The following SNW1 variants were observed in gnomAD, a reference collection of about 807,000 sequenced individuals.
SNW1 encodes the protein SNW domain containing 1.
Under a neutral mutation model 75.6 loss-of-function variants are expected in SNW1, and 9 were observed. The observed-to-expected ratio is 0.12, with a 90% CI of 0.07 to 0.21. The LOEUF (loss-of-function observed/expected upper bound fraction) is 0.21, where lower values mean the gene tolerates loss of function less well. SNW1 is among the 10% of genes least tolerant of loss of function. The pLI is 1.00. For missense variants in SNW1, 409 were observed against 670.9 expected (o/e 0.61, Z 4.31); for synonymous variants, 200 against 219.1 (o/e 0.91, Z 0.77).
chr14:77,730,570 C>A (rs2080620212), intron 10 of SNW1, among the ~76,000 whole-genome samples: 1 of 152,078 alleles, frequency 6.6e-6, no homozygotes, highest in African/African-American at 2.4e-5. Context: ...AGAGAAAATA[C>A]TGGCAGATTT....
intron 3 of SNW1, among the ~76,000 whole-genome samples, chr14:77,742,473 A>G (rs951779677): frequency 1.2e-4 from 18 of 152,196 alleles, no homozygotes. Flanking sequence ...AGCTTTGTCA[A>G]CAAGATAAAG....
chr14:77,756,718 TACTAA>T (rs759318503), intron 1 of SNW1, among the ~76,000 whole-genome samples: 1 of 152,150 alleles, frequency 6.6e-6, no homozygotes, highest in Non-Finnish European at 1.5e-5. Flanking sequence ...ACCCTGTCTC[TACTAA>T]AAATACAAAA....
At chr14:77,741,115 A>G (rs1377955329) in intron 3 of SNW1, among the ~76,000 whole-genome samples, 1 of 151,734 alleles carries the variant, frequency 6.6e-6, no homozygotes, top group Non-Finnish European at 1.5e-5. Context: ...AAAAAAAAAA[A>G]AAAGTGTCTC....
intron 2 of SNW1, 93 bp downstream of exon 2, chr14:77,754,874 A>AG (rs1393107056): frequency 1.8e-6 from 2 of 1,123,386 alleles, no homozygotes; most frequent in Non-Finnish European, 2.5e-6. Flanking sequence ...TGACATTCAT[A>AG]ATCAGAGGTT....
At chr14:77,759,213 T>C (rs2080866180) in intron 1 of SNW1, among the ~76,000 whole-genome samples, 1 of 152,208 alleles carries the variant, frequency 6.6e-6, no homozygotes, top group Non-Finnish European at 1.5e-5. Context: ...AAGCACGCAA[T>C]ACCCATGACA....
rs764123704 is a variant in SNW1, at chr14:77,751,465, C to T, written c.184G>A (p.Gly62Ser). Residue 62 changes from glycine to serine, a missense_variant, in exon 3 of 14, where the codon GGT becomes AGT. By Grantham distance (56) the Gly-to-Ser change is moderately conservative. Transcript: ENST00000261531. ...GCCACATGGATCTCTGGAAAAGCAC[C>T]TCCATCTCCAAAATCCTACACATTA... is the stretch of plus-strand genomic sequence containing the variant. The part of the protein sequence containing the change: ...PRLLEDFGDG[G>S]AFPEIHVAQY... The T allele has an allele frequency of 6.2e-7, 1 of 1,606,922 alleles. No individual in the cohort carries two copies.
At chr14:77,744,626 T>G (rs2080746584) in intron 3 of SNW1, among the ~76,000 whole-genome samples, 1 of 152,068 alleles carries the variant, frequency 6.6e-6, no homozygotes, top group Non-Finnish European at 1.5e-5. Flanking sequence ...AGACAGTGAT[T>G]TAAACATCAT....
At chr14:77,756,291 G>A (rs1395417578) in intron 1 of SNW1, among the ~76,000 whole-genome samples, 1 of 151,462 alleles carries the variant, frequency 6.6e-6, no homozygotes, top group African/African-American at 2.4e-5. Context: ...CCTATTTTTT[G>A]TATTTTTAGT....
chr14:77,738,955 T>G lies in SNW1; in HGVS notation c.426+11A>C. The G allele has an allele frequency of 6.2e-7, 1 of 1,612,658 alleles. No individual in the cohort carries two copies. The highest frequency in any genetic ancestry group is 8.5e-7 in the Non-Finnish European group (1 of 1,178,630). On this transcript the variant is annotated intron_variant, in intron 4 of 13. Transcript: ENST00000261531. ...TGTAAATAGTCATCGAATATATCAA[T>G]TCCCAGTTACCTCTTTAATAGCTTC...
At chr14:77,730,430 T>C (rs74391064) in intron 10 of SNW1, among the ~76,000 whole-genome samples, 6,946 of 152,116 alleles carry the variant, frequency 0.046, 278 homozygotes, top group Admixed American at 0.14. Flanking sequence ...AATGAATAAA[T>C]GTACCAGGTA....
intron 1 of SNW1, chr14:77,760,820 C>T (rs1424654709): frequency 1.4e-6 from 1 of 719,818 alleles, no homozygotes; most frequent in Non-Finnish European, 2.5e-6. Flanking sequence ...TGAGGGAGCG[C>T]TGTCCGCTCC....
intron 3 of SNW1, among the ~76,000 whole-genome samples, chr14:77,749,707 C>T (rs1221114906): frequency 1.3e-5 from 2 of 152,148 alleles, no homozygotes; most frequent in Non-Finnish European, 2.9e-5. Context: ...TTCAAGGTTG[C>T]AATGAATTAT....
intron 2 of SNW1, 135 bp from the exon 3 acceptor site, chr14:77,751,615 G>C (rs1024086668): frequency 1.7e-6 from 1 of 588,764 alleles, no homozygotes; most frequent in African/African-American, 1.9e-5. Context: ...CCTGCCTCTT[G>C]TGGAGTTTAC....
intron 10 of SNW1, among the ~76,000 whole-genome samples, chr14:77,727,580 A>G (rs2080595533): frequency 6.6e-6 from 1 of 152,098 alleles, no homozygotes; most frequent in Non-Finnish European, 1.5e-5. Flanking sequence ...CACTTTGTTG[A>G]GAGTTTTTAT....
intron 12 of SNW1, among the ~76,000 whole-genome samples, chr14:77,719,991 A>G (rs2080525922): frequency 6.6e-6 from 1 of 152,228 alleles, no homozygotes; most frequent in Admixed American, 6.5e-5. Context: ...CTAGTTAGCT[A>G]ATGGCAATTG....
At chr14:77,721,920 G>A (rs1225949159) in intron 11 of SNW1, among the ~76,000 whole-genome samples, 1 of 151,904 alleles carries the variant, frequency 6.6e-6, no homozygotes, top group Non-Finnish European at 1.5e-5. Flanking sequence ...GCTAATTTTT[G>A]CATTTTTAGT....
At chr14:77,725,150 G>C (rs1002000704) in intron 10 of SNW1, among the ~76,000 whole-genome samples, 3 of 152,112 alleles carry the variant, frequency 2.0e-5, no homozygotes, top group Admixed American at 2.0e-4. Flanking sequence ...GTCTTCTTTT[G>C]AGACCGTCTA....
In SNW1 at chr14:77,718,427, C is replaced by G. The variant is rs767663914; in HGVS notation, c.1352G>C (p.Ser451Thr). Residue 451 changes from serine to threonine, a missense_variant, in exon 13 of 14, where the codon AGT (serine) becomes ACT (threonine). Ser to Thr is a moderately conservative substitution (Grantham distance 58). Coordinates refer to ENST00000261531, the MANE Select transcript of SNW1 (RefSeq NM_012245.3). ...ATACATGTCCTTGTCCAGATTTTTACTGGGCCTATAAATACTCTGGGCCAT... is the reference window on the plus strand; with the variant it reads ...ATACATGTCCTTGTCCAGATTTTTAGTGGGCCTATAAATACTCTGGGCCAT... Reference protein sequence around the residue: ...KDMAQSIYRPSKNLDKDMYGD... With the variant: ...KDMAQSIYRPTKNLDKDMYGD... 6.2e-7 allele frequency: 1 copy of G among 1,614,062 alleles called. No homozygotes were observed.
chr14:77,739,210 C>A, intron 3 of SNW1, 149 bp from the exon 4 acceptor site: 1 of 649,726 alleles, frequency 1.5e-6, no homozygotes, highest in Non-Finnish European at 2.7e-6. Context: ...ACCAAGGAAG[C>A]TTAAAATATA....
Sources: gnomAD v4.1 joint callset for allele counts (sites outside exome capture counted in the v4.1 genomes callset) on GRCh38, gnomAD v4.1.1 for gene constraint, MANE v1.5 for transcripts, NCBI Gene and HGNC (gene_info 2026-07-23, HGNC 2026-07-21) for gene names.